Variants in PARD3 observed in about 807,000 individuals in gnomAD.
PARD3 encodes the protein partitioning defective 3 homolog.
Under a neutral mutation model 155.4 loss-of-function variants are expected in PARD3, and 75 were observed. The ratio of observed to expected loss-of-function variants is 0.48; its 90% CI spans 0.40 to 0.58. The LOEUF is 0.58. Ranked by LOEUF, PARD3 falls within the 20% of genes least tolerant of loss-of-function variation. The pLI, the probability that PARD3 is intolerant of heterozygous loss-of-function variation, is 0.00. For missense variants in PARD3, 1,642 were observed against 1,721.7 expected, an observed-to-expected ratio of 0.95 and a Z score of 0.82; for synonymous variants, 576 against 610.5, an observed-to-expected ratio of 0.94 and a Z score of 0.83.
intron 1 of PARD3, among the ~76,000 whole-genome samples, chr10:34,804,061 T>C (rs1843098728): frequency 6.7e-6 from 1 of 148,988 alleles, no homozygotes; most frequent in Non-Finnish European, 1.5e-5. Flanking sequence ...TGAGATGAAG[T>C]CTCGCTCTAT....
At chr10:34,344,087 T>G in intron 15 of PARD3, 1 of 962,950 alleles carries the variant, frequency 1.0e-6, no homozygotes. Flanking sequence ...TGAGATAAAT[T>G]CTAAAATGGA....
chr10:34,648,114 G>A (rs78464682), intron 2 of PARD3, among the ~76,000 whole-genome samples: 1,798 of 152,322 alleles, frequency 0.012, 47 homozygotes, highest in African/African-American at 0.04. Context: ...ACATGAGTCT[G>A]AGGACTGCAT....
intron 20 of PARD3, chr10:34,312,331 T>G (rs1451660149): frequency 1.2e-6 from 2 of 1,611,908 alleles, no homozygotes; most frequent in South Asian, 2.2e-5. Context: ...GTTCAAGACA[T>G]GTTTTGAATC....
At chr10:34,434,788 A>G (rs1372560666) in intron 5 of PARD3, among the ~76,000 whole-genome samples, 2 of 152,204 alleles carry the variant, frequency 1.3e-5, no homozygotes, top group Non-Finnish European at 1.5e-5. Context: ...AGAACACTCT[A>G]AATATCAATG....
In PARD3 at chr10:34,499,626, A is replaced by G. The variant is rs112283067; in HGVS notation, c.403+17353T>C. 6.1e-3 allele frequency among the ~76,000 whole-genome samples: 929 copies of G among 152,274 alleles called. 8 individuals are homozygous for G. Among genetic ancestry groups the G allele is most frequent in the African/African-American group, 0.02 (844 of 41,556 alleles). On this transcript the variant is annotated intron_variant, in intron 3 of 24. Coordinates refer to ENST00000374788, the MANE Select transcript of PARD3 (RefSeq NM_001184785.2). ...TTAAACATGGATCTGTTGAAATTTT[A>G]TATTTATAACATATGAATAGTCTTT...
intron 1 of PARD3, among the ~76,000 whole-genome samples, chr10:34,765,079 A>G (rs865994041): frequency 1.3e-5 from 2 of 152,318 alleles, no homozygotes; most frequent in Middle Eastern, 3.4e-3. Context: ...ACGAGAGCCA[A>G]AAGTAAACAT....
chr10:34,594,552 C>T (rs1372886244), intron 2 of PARD3, among the ~76,000 whole-genome samples: 4 of 151,598 alleles, frequency 2.6e-5, no homozygotes, highest in East Asian at 1.9e-4. Context: ...CCAGGAATTA[C>T]GACGACAGGA....
chr10:34,254,147 C>T (rs1954500670), intron 22 of PARD3, among the ~76,000 whole-genome samples: 1 of 152,050 alleles, frequency 6.6e-6, no homozygotes, highest in African/African-American at 2.4e-5. Flanking sequence ...TTTGGGAGGC[C>T]AAGGCGGGTG....
intron 21 of PARD3, among the ~76,000 whole-genome samples, chr10:34,273,131 T>C (rs1194887846): frequency 6.6e-6 from 1 of 152,162 alleles, no homozygotes; most frequent in Non-Finnish European, 1.5e-5. Flanking sequence ...TATCCCAAAG[T>C]TGTGAAAACT....
intron 2 of PARD3, among the ~76,000 whole-genome samples, chr10:34,586,167 T>A: frequency 6.6e-6 from 1 of 151,554 alleles, no homozygotes; most frequent in Non-Finnish European, 1.5e-5. Flanking sequence ...TCCCTGAAAA[T>A]AAAGATACGG....
chr10:34,796,628 G>A lies in PARD3; in HGVS notation c.120+18248C>T, dbSNP rs571041497. On this transcript the variant is annotated intron_variant, in intron 1 of 24. Transcript: ENST00000374788. ...TTCCCATAGTTGCAGTAGATTTGAA[G>A]AAAATATTTTAAAATAGTATTTCAA... 3.9e-5 allele frequency among the ~76,000 whole-genome samples: 6 copies of A among 152,250 alleles called. No homozygotes were observed. In the South Asian group the frequency reaches 1.2e-3, roughly 32 times the overall value.
chr10:34,423,805 ACTAC>A (rs1422325719), intron 5 of PARD3, among the ~76,000 whole-genome samples: 1 of 152,156 alleles, frequency 6.6e-6, no homozygotes, highest in Non-Finnish European at 1.5e-5. Context: ...TTATGCAACA[ACTAC>A]CTAGGTTTTC....
At chr10:34,194,272 A>G (rs1029157889) in intron 22 of PARD3, among the ~76,000 whole-genome samples, 2 of 152,202 alleles carry the variant, frequency 1.3e-5, no homozygotes, top group Non-Finnish European at 2.9e-5. Flanking sequence ...TTTATCCTTG[A>G]GAAACAGTTG....
At chr10:34,373,430 A>T (rs563946117) in intron 11 of PARD3, among the ~76,000 whole-genome samples, 1 of 152,262 alleles carries the variant, frequency 6.6e-6, no homozygotes, top group South Asian at 2.1e-4. Context: ...GCTTAAGAGC[A>T]GTGTCTAAGC....
At chr10:34,560,943 C>T (rs2134056359) in intron 2 of PARD3, among the ~76,000 whole-genome samples, 2 of 152,268 alleles carry the variant, frequency 1.3e-5, no homozygotes, top group South Asian at 4.2e-4. Flanking sequence ...GACCTTCCCT[C>T]TGGGCATGTG....
intron 22 of PARD3, among the ~76,000 whole-genome samples, chr10:34,215,613 G>T (rs1365223289): frequency 1.3e-5 from 2 of 152,180 alleles, no homozygotes; most frequent in Non-Finnish European, 2.9e-5. Flanking sequence ...CAACTCCATG[G>T]ATTATAAAAA....
chr10:34,779,338 G>A (rs904809286), intron 1 of PARD3, among the ~76,000 whole-genome samples: 17 of 142,260 alleles, frequency 1.2e-4, no homozygotes, highest in African/African-American at 2.6e-4. Context: ...AGCCGGGCGC[G>A]GTGGCTCACG....
At chr10:34,695,602 G>C (rs1382124246) in intron 2 of PARD3, among the ~76,000 whole-genome samples, 1 of 151,982 alleles carries the variant, frequency 6.6e-6, no homozygotes, top group Non-Finnish European at 1.5e-5. Flanking sequence ...CCTCTCAAGA[G>C]TACAGAAAAA....
At chr10:34,775,771 T>G (rs1839447879) in intron 1 of PARD3, among the ~76,000 whole-genome samples, 1 of 152,110 alleles carries the variant, frequency 6.6e-6, no homozygotes, top group Non-Finnish European at 1.5e-5. Flanking sequence ...ACCACACAAA[T>G]TTGTACAGAA....
Sources: allele counts gnomAD v4.1 joint callset (sites outside exome capture counted in the v4.1 genomes callset), GRCh38; gene constraint gnomAD v4.1.1; transcripts MANE v1.5; gene names NCBI Gene and HGNC (gene_info 2026-07-23, HGNC 2026-07-21).